ZNF705G: variants seen among roughly 807,000 people sequenced by gnomAD.
ZNF705G encodes the protein putative zinc finger protein 705G.
In ZNF705G, 23 loss-of-function variants were observed where a neutral mutation model predicts 19.6. The observed-to-expected ratio is 1.17, with a 90% CI of 0.84 to 1.66. The LOEUF (loss-of-function observed/expected upper bound fraction) is 1.66. Ranked by LOEUF, ZNF705G falls within the 40% of genes most tolerant of loss-of-function variation. ZNF705G has a pLI of 0.00. For missense variants in ZNF705G, 457 were observed against 354.4 expected (o/e 1.29, Z -2.32); for synonymous variants, 146 against 117.7 (o/e 1.24, Z -1.56).
intron 6 of ZNF705G, 126 bp downstream of exon 6, chr8:7,359,493 T>G: frequency 6.7e-7 from 1 of 1,498,176 alleles, no homozygotes; most frequent in East Asian, 2.3e-5. Context: ...ATCCAATTTT[T>G]TTTTTTTGCT....
intron 3 of ZNF705G, among the ~76,000 whole-genome samples, chr8:7,361,779 A>G (rs377054740): frequency 8.8e-5 from 13 of 147,794 alleles, no homozygotes; most frequent in East Asian, 7.7e-4. Context: ...TTTATTAAAT[A>G]TAAGTCATTG....
intron 1 of ZNF705G, among the ~76,000 whole-genome samples, chr8:7,382,371 G>C (rs1807536951): frequency 6.8e-6 from 1 of 146,778 alleles, no homozygotes; most frequent in South Asian, 2.1e-4. Flanking sequence ...TTTTCTGGTG[G>C]ATTTTCATTT....
rs58622302 is a variant in ZNF705G, at chr8:7,382,408, CT to C, written c.-221-808del. ...TGCTTATGGCTCTGAGGTTTGGTGC[CT>C]TTTTTCCCCAGAATAAATTATTATA... On this transcript the variant is annotated intron_variant, in intron 1 of 6. Coordinates refer to ENST00000400156, the MANE Select transcript of ZNF705G (RefSeq NM_001164457.3). Among the ~76,000 whole-genome samples, 4 of 136,418 alleles carry C rather than the reference CT, an allele frequency of 2.9e-5. 1 individual carries two copies. Among genetic ancestry groups the C allele is most frequent in the African/African-American group, 1.3e-4 (4 of 29,850 alleles). 89.5% of individuals were successfully genotyped at this position (136,418 alleles called of 152,430 possible).
rs186635548 is a variant in ZNF705G at position 7,384,522 on chromosome 8, C to A, written c.-222+976G>T. Among the ~76,000 whole-genome samples the A allele has an allele frequency of 2.9e-3, 424 of 146,100 alleles. 72 individuals carry two copies. The highest frequency in any genetic ancestry group is 0.011 in the African/African-American group (410 of 35,674). ...AAATGAACCTAACCTGTAAGAGGAA[C>A]TTTTAAGTCAACTTCTGGATACCTG... On this transcript the variant is annotated intron_variant, in intron 1 of 6. Coordinates refer to ENST00000400156, the MANE Select transcript of ZNF705G (RefSeq NM_001164457.3).
chr8:7,357,139 C>G lies in ZNF705G; in HGVS notation c.*837G>C, dbSNP rs1806308503. 1 of 150,542 alleles carries G rather than the reference C, an allele frequency of 6.6e-6. No homozygotes were observed. The highest frequency in any genetic ancestry group is 1.5e-5 in the Non-Finnish European group (1 of 68,098). 9.3% of individuals were successfully genotyped at this position (150,542 alleles called of 1,614,324 possible). A position where few individuals can be genotyped will look rare whatever the true frequency, so the allele number is the denominator to read the frequency against. On this transcript the variant is annotated 3_prime_UTR_variant, in exon 7 of 7. Transcript: ENST00000400156. ...TGAATTACCACTAAAGAATTTTCTC[C>G]TTTCAAGATGCTAACCATGTTTTGT...
intron 3 of ZNF705G, 68 bp from the exon 4 acceptor site, chr8:7,361,304 A>T: frequency 6.3e-7 from 1 of 1,591,626 alleles, no homozygotes; most frequent in Non-Finnish European, 8.5e-7. Flanking sequence ...AGGAAGGCTG[A>T]GATGACATAG....
rs1268968263 is a variant in ZNF705G at position 7,374,889 on chromosome 8, A to G, written c.-72+6563T>C. 2.9e-4 allele frequency among the ~76,000 whole-genome samples: 27 copies of G among 93,470 alleles called. 11 individuals are homozygous for G. The highest frequency in any genetic ancestry group is 2.6e-3 in the Admixed American group (22 of 8,354). The allele number at this position is 93,470 out of a possible 152,430, so 61.3% of individuals were successfully genotyped here. ...AATGGCCGGAAAAGACATAGTGTCCACAATATGCAATACACAAGGTTTACA... is the reference window on the plus strand; with the variant it reads ...AATGGCCGGAAAAGACATAGTGTCCGCAATATGCAATACACAAGGTTTACA... On this transcript the variant is annotated intron_variant, in intron 2 of 6. Coordinates refer to ENST00000400156, the MANE Select transcript of ZNF705G (RefSeq NM_001164457.3).
At chr8:7,369,757 G>A (rs186949702) in intron 2 of ZNF705G, among the ~76,000 whole-genome samples, 1 of 149,264 alleles carries the variant, frequency 6.7e-6, no homozygotes, top group Non-Finnish European at 1.5e-5. Flanking sequence ...GGATGCAGCT[G>A]GAGGCCATTA....
intron 2 of ZNF705G, among the ~76,000 whole-genome samples, chr8:7,371,268 C>A (rs1271206842): frequency 9.2e-6 from 1 of 108,240 alleles, no homozygotes; most frequent in Non-Finnish European, 2.0e-5. Flanking sequence ...AATCGACAAA[C>A]TCACAAAAGC....
intron 5 of ZNF705G, among the ~76,000 whole-genome samples, 161 bp from the exon 6 acceptor site, chr8:7,359,862 T>C (rs1480240499): frequency 6.7e-6 from 1 of 149,624 alleles, no homozygotes; most frequent in Non-Finnish European, 1.5e-5. Context: ...TTGTACAGTG[T>C]CAGCAATTAG....
intron 2 of ZNF705G, among the ~76,000 whole-genome samples, chr8:7,380,465 C>T (rs1482932155): frequency 2.7e-5 from 4 of 147,438 alleles, no homozygotes; most frequent in African/African-American, 1.1e-4. Context: ...TGCCTATCAC[C>T]ATCAAGTACC....
Position 7,357,700 on chromosome 8 carries a change from A to G in ZNF705G, c.*276T>C. ...TGATGTGGACTGAAGAATAAAGGTA[A>G]CTGAAGTATCTTCCATGTTGATTAC... On this transcript the variant is annotated 3_prime_UTR_variant, in exon 7 of 7. Transcript: ENST00000400156. The G allele has an allele frequency of 1.7e-6, 1 of 582,746 alleles. No homozygotes were observed. The highest frequency in any genetic ancestry group is 2.9e-6 in the Non-Finnish European group (1 of 343,170). 36.1% of individuals were successfully genotyped at this position (582,746 alleles called of 1,614,324 possible).
chr8:7,361,485 A>G (rs1281173428), intron 3 of ZNF705G, among the ~76,000 whole-genome samples: 1 of 149,768 alleles, frequency 6.7e-6, no homozygotes, highest in Non-Finnish European at 1.5e-5. Context: ...TATAACCCAG[A>G]TATTTTTCAG....
intron 2 of ZNF705G, among the ~76,000 whole-genome samples, chr8:7,366,964 AT>A (rs1194693520): frequency 6.7e-6 from 1 of 149,636 alleles, no homozygotes; most frequent in Non-Finnish European, 1.5e-5. Context: ...CCATTTAGTT[AT>A]TTAATTATAA....
chr8:7,358,682 G>A (rs2128834659), intron 6 of ZNF705G, 122 bp from the exon 7 acceptor site: 1 of 1,474,470 alleles, frequency 6.8e-7, no homozygotes, highest in South Asian at 1.4e-5. Context: ...GCTTTCCAAT[G>A]TTTCTTGTGT....
chr8:7,359,821 A>G (rs1241077303), intron 5 of ZNF705G, 120 bp from the exon 6 acceptor site: 1 of 1,430,112 alleles, frequency 7.0e-7, no homozygotes, highest in Admixed American at 1.8e-5. Context: ...AGTGTGTCAA[A>G]TGAAGAAACT....
rs1806682742 is a variant in ZNF705G, at chr8:7,363,083, G to A, written c.-71-66C>T. The A allele has an allele frequency of 2.5e-6, 4 of 1,578,298 alleles. 1 individual carries two copies. The highest frequency in any genetic ancestry group is 2.9e-5 in the African/African-American group (2 of 69,030). On this transcript the variant is annotated intron_variant, in intron 2 of 6. Coordinates refer to ENST00000400156, the MANE Select transcript of ZNF705G (RefSeq NM_001164457.3). ...CACAATTTTCAGATCAATCTGTGAT[G>A]AAAAGCCAGACTTTCACTGAAGTGT... is the stretch of plus-strand genomic sequence containing the variant.
chr8:7,364,102 G>A lies in ZNF705G; in HGVS notation c.-71-1085C>T, dbSNP rs529359161. Among the ~76,000 whole-genome samples, 6 of 149,440 alleles carry A rather than the reference G, an allele frequency of 4.0e-5. 1 individual carries two copies. Among genetic ancestry groups the A allele is most frequent in the African/African-American group, 1.3e-4 (5 of 38,912 alleles). On this transcript the variant is annotated intron_variant, in intron 2 of 6. Coordinates refer to ENST00000400156, the MANE Select transcript of ZNF705G (RefSeq NM_001164457.3). ...ATTCTTGCAATCATGGTTTATATTA[G>A]TCTTTGTTAGTTGCAATATCTCTGA... is the stretch of plus-strand genomic sequence containing the variant.
intron 2 of ZNF705G, among the ~76,000 whole-genome samples, chr8:7,379,745 G>A (rs1029415902): frequency 5.4e-5 from 8 of 147,208 alleles, no homozygotes; most frequent in South Asian, 4.2e-4. Flanking sequence ...CTCAGCCCTC[G>A]CAGGCCCTGA....
Sources: allele counts gnomAD v4.1 joint callset (sites outside exome capture counted in the v4.1 genomes callset), GRCh38; gene constraint gnomAD v4.1.1; transcripts MANE v1.5; gene names NCBI Gene and HGNC (gene_info 2026-07-23, HGNC 2026-07-21).